Variants in DOK7 observed in about 807,000 individuals in gnomAD.
DOK7 encodes the protein docking protein 7.
A neutral mutation model predicts 30.7 loss-of-function variants in DOK7; 32 were observed. The observed-to-expected ratio is 1.04, with a 90% CI of 0.79 to 1.40. The LOEUF (loss-of-function observed/expected upper bound fraction) is 1.40. Ranked by LOEUF, DOK7 falls within the 40% of genes most tolerant of loss-of-function variation. The probability of loss-of-function intolerance (pLI) is 0.00; values close to 1 mark genes in which losing one functional copy is unlikely to be tolerated. For synonymous variants in DOK7, 447 were observed against 324.1 expected, an observed-to-expected ratio of 1.38 and a Z score of -4.07; for missense variants, 1,007 against 699.2, an observed-to-expected ratio of 1.44 and a Z score of -4.97.
chr4:3,496,732 G>A, downstream of DOK7: 1 of 1,442,044 alleles, frequency 6.9e-7, no homozygotes, highest in Non-Finnish European at 9.3e-7. Context: ...CACTCTTGGG[G>A]GGTAGTGTCC....
chr4:3,492,892 A>G lies in DOK7; in HGVS notation c.906A>G (p.Ala302=), dbSNP rs748830574. Residue 302 remains alanine, a synonymous_variant, in exon 7 of 7, where the codon GCA becomes GCG. Coordinates refer to ENST00000340083, the MANE Select transcript of DOK7 (RefSeq NM_173660.5). ...CGTCACAGGAGGGGCCTAGACCAGC[A>G]GCTGCCCAGGCCGCCGGGGAAGCCA... ...ASTSQEGPRP[A]AAQAAGEAMV... 3.8e-6 allele frequency: 6 copies of G among 1,594,880 alleles called. No individual in the cohort carries two copies. In the South Asian group the frequency reaches 6.8e-5, roughly 18 times the overall value.
intron 4 of DOK7, among the ~76,000 whole-genome samples, chr4:3,480,120 A>AG (rs1040301642): frequency 6.6e-6 from 1 of 152,120 alleles, no homozygotes; most frequent in Non-Finnish European, 1.5e-5. Flanking sequence ...GAGCCTAGGA[A>AG]GGGAGGGCTT....
At chr4:3,478,481 G>A (rs907975038) in intron 4 of DOK7, among the ~76,000 whole-genome samples, 3 of 52,728 alleles carry the variant, frequency 5.7e-5, no homozygotes, top group African/African-American at 4.3e-4. Context: ...AGCCCCACCC[G>A]CAAACCTGCA....
intron 6 of DOK7, among the ~76,000 whole-genome samples, chr4:3,491,417 TCCTTCTTC>T (rs1298804867): frequency 1.3e-4 from 8 of 60,740 alleles, no homozygotes; most frequent in Admixed American, 2.3e-4. Context: ...CTTCCTTCTT[TCCTTCTTC>T]CCCTGCTCAT....
intron 4 of DOK7, among the ~76,000 whole-genome samples, chr4:3,481,657 T>C (rs1259956087): frequency 6.6e-6 from 1 of 152,124 alleles, no homozygotes; most frequent in Non-Finnish European, 1.5e-5. Flanking sequence ...CATGCCTACC[T>C]GGCATGAGCC....
downstream of DOK7, among the ~76,000 whole-genome samples, chr4:3,498,378 T>G (rs1020049196): frequency 1.3e-5 from 2 of 151,662 alleles, no homozygotes; most frequent in African/African-American, 4.8e-5. Flanking sequence ...GGAACATTCG[T>G]CCCCTTTCCC....
rs781051112 is a variant in DOK7, at chr4:3,463,452, G to C, written c.54+23G>C. 2.3e-5 allele frequency: 9 copies of C among 388,676 alleles called. No homozygotes were observed. The highest frequency in any genetic ancestry group is 1.5e-4 in the Admixed American group (1 of 6,874). 24.1% of individuals were successfully genotyped at this position (388,676 alleles called of 1,614,324 possible). A position where few individuals can be genotyped will look rare whatever the true frequency, so the allele number is the denominator to read the frequency against. On this transcript the variant is annotated intron_variant, in intron 1 of 6. Transcript: ENST00000340083. ...AAGGTCGGGGCGCGTCGGGGGCGCG[G>C]GGGGGGGGGGCGCGGGCGCGGGCGG...
exon 8 of DOK7, chr4:3,500,831 C>T: frequency 6.5e-7 from 1 of 1,528,350 alleles, no homozygotes; most frequent in Non-Finnish European, 8.7e-7. Flanking sequence ...AGTGAGGTCA[C>T]AGCGCCAGGA....
At position 3,473,494 on chromosome 4, in the gene DOK7, C is replaced by T. The variant is rs372989037; in HGVS notation, c.189C>T (p.Cys63=). 555 of 1,611,130 alleles carry T rather than the reference C, an allele frequency of 3.4e-4. 4 individuals are homozygous for T. The Middle Eastern group carries it at 5.8e-3, about 17-fold the overall frequency. Residue 63 remains cysteine (C), a synonymous_variant, in exon 3 of 7, where the codon TGC becomes TGT. Transcript: ENST00000340083. Reference sequence around the variant, plus strand: ...GCAGCCTGACGCTAGAGGACATCTGCGGGCTGGAGCCCGGCCTGCCCTACG... The same window carrying T: ...GCAGCCTGACGCTAGAGGACATCTGTGGGCTGGAGCCCGGCCTGCCCTACG... ...ERSSLTLEDI[C]GLEPGLPYEG...
At chr4:3,466,485 T>A (rs1726271660) in intron 2 of DOK7, among the ~76,000 whole-genome samples, 1 of 152,204 alleles carries the variant, frequency 6.6e-6, no homozygotes, top group African/African-American at 2.4e-5. Flanking sequence ...CAGAGCCTCC[T>A]GGTGGTGGAT....
chr4:3,498,997 G>A (rs1729060340), downstream of DOK7, among the ~76,000 whole-genome samples: 1 of 152,216 alleles, frequency 6.6e-6, no homozygotes, highest in South Asian at 2.1e-4. Flanking sequence ...TCCCCACTGG[G>A]AGCAAGCAAG....
chr4:3,489,654 AC>A, intron 5 of DOK7, 22 bp from the exon 6 acceptor site: 1 of 1,561,438 alleles, frequency 6.4e-7, no homozygotes, highest in Non-Finnish European at 8.7e-7. Flanking sequence ...CACCTCCTCC[AC>A]CGAGTCTTCT....
At chr4:3,491,165 TCCTGCTCATTCATTCCTTCCCC>T (rs1306979217) in intron 6 of DOK7, among the ~76,000 whole-genome samples, 37 of 81,976 alleles carry the variant, frequency 4.5e-4, no homozygotes, top group Non-Finnish European at 8.0e-4. Flanking sequence ...TCCTTCTTCC[TCCTGCTCATTCATTCCTTCCCC>T]CCTGCTCATT....
chr4:3,466,071 G>A (rs900069776), intron 2 of DOK7, among the ~76,000 whole-genome samples: 2 of 152,204 alleles, frequency 1.3e-5, no homozygotes, highest in Admixed American at 1.3e-4. Flanking sequence ...CCACCGGGAG[G>A]GCCCGAGTCC....
chr4:3,479,198 G>T (rs1289085167), intron 4 of DOK7, among the ~76,000 whole-genome samples: 1 of 152,222 alleles, frequency 6.6e-6, no homozygotes, highest in Admixed American at 6.5e-5. Flanking sequence ...GCCTCGGCTC[G>T]TGGCTGTGCC....
At chr4:3,478,929 C>G (rs1426304192) in intron 4 of DOK7, among the ~76,000 whole-genome samples, 2 of 152,194 alleles carry the variant, frequency 1.3e-5, no homozygotes, top group East Asian at 1.9e-4. Flanking sequence ...GTCTGCGGCA[C>G]GTGTGGGCAG....
chr4:3,495,525 C>G (rs560426645), downstream of DOK7, among the ~76,000 whole-genome samples: 1 of 152,354 alleles, frequency 6.6e-6, no homozygotes, highest in East Asian at 1.9e-4. Flanking sequence ...CCTCTCCTCA[C>G]GATGCTCGTG....
At chr4:3,474,895 G>C (rs1397452377) in intron 3 of DOK7, among the ~76,000 whole-genome samples, 1 of 152,114 alleles carries the variant, frequency 6.6e-6, no homozygotes, top group African/African-American at 2.4e-5. Flanking sequence ...CTGGGCGACA[G>C]AGTGAGACCC....
chr4:3,472,651 C>T (rs1047641470), intron 2 of DOK7, among the ~76,000 whole-genome samples: 1 of 152,260 alleles, frequency 6.6e-6, no homozygotes, highest in Non-Finnish European at 1.5e-5. Context: ...CAGGTTTGAG[C>T]TGCACCTGGT....
Sources: allele counts gnomAD v4.1 joint callset (sites outside exome capture counted in the v4.1 genomes callset), GRCh38; gene constraint gnomAD v4.1.1; transcripts MANE v1.5; gene names NCBI Gene and HGNC (gene_info 2026-07-23, HGNC 2026-07-21).